Variants in NMNAT2 observed in about 807,000 individuals in gnomAD.
NMNAT2 encodes the protein nicotinamide nucleotide adenylyltransferase 2.
Under a neutral mutation model 41.6 loss-of-function variants are expected in NMNAT2, and 11 were observed. That is an observed-to-expected ratio of 0.26 (90% CI 0.17 to 0.44). The LOEUF is 0.44. Ranked by LOEUF, NMNAT2 falls within the 20% of genes least tolerant of loss-of-function variation. The pLI is 1.00. For synonymous variants in NMNAT2, 148 were observed against 151.2 expected (o/e 0.98, Z 0.16); for missense variants, 288 against 407.7 (o/e 0.71, Z 2.53).
chr1:183,310,534 A>C (rs910970594), intron 1 of NMNAT2, among the ~76,000 whole-genome samples: 1 of 152,150 alleles, frequency 6.6e-6, no homozygotes, highest in Admixed American at 6.5e-5. Context: ...ATTCCTAAAA[A>C]GGTTCTAGAT....
intron 1 of NMNAT2, among the ~76,000 whole-genome samples, chr1:183,337,832 A>C (rs1662708465): frequency 6.6e-6 from 1 of 152,178 alleles, no homozygotes; most frequent in Non-Finnish European, 1.5e-5. Context: ...AGATGATTCT[A>C]GATGTCACAA....
Position 183,252,513 on chromosome 1 carries a change from A to C in NMNAT2, c.*128T>G. The C allele has an allele frequency of 1.3e-6, 1 of 748,324 alleles. No homozygotes were observed. The highest frequency in any genetic ancestry group is 2.4e-6 in the Non-Finnish European group (1 of 411,032). 46.4% of individuals were successfully genotyped at this position (748,324 alleles called of 1,614,324 possible). ...TGGTTCTCTGCAGGTCCCCCACACT[A>C]TGGGGGGTTAAGTCAGCAAGTAGGG... On this transcript the variant is annotated 3_prime_UTR_variant, in exon 11 of 11. Transcript: ENST00000287713.
chr1:183,313,705 C>T (rs1018935232), intron 1 of NMNAT2, among the ~76,000 whole-genome samples: 1 of 152,196 alleles, frequency 6.6e-6, no homozygotes, highest in East Asian at 1.9e-4. Flanking sequence ...AGGCTGGTCT[C>T]GAACTCTTGG....
At chr1:183,389,545 G>A (rs1054899767) in intron 1 of NMNAT2, among the ~76,000 whole-genome samples, 5 of 151,462 alleles carry the variant, frequency 3.3e-5, no homozygotes, top group African/African-American at 1.2e-4. Flanking sequence ...GGACAAAACA[G>A]GCAAAAGCAC....
chr1:183,295,856 C>G (rs963855891), intron 1 of NMNAT2, among the ~76,000 whole-genome samples: 1 of 151,952 alleles, frequency 6.6e-6, no homozygotes, highest in Admixed American at 6.6e-5. Context: ...TCATTTCTTT[C>G]TTTTTCTTTG....
intron 1 of NMNAT2, among the ~76,000 whole-genome samples, chr1:183,301,902 C>T (rs1225132150): frequency 6.6e-6 from 1 of 152,150 alleles, no homozygotes; most frequent in Non-Finnish European, 1.5e-5. Context: ...CTCCATTTTT[C>T]CTTTTCAGCT....
At chr1:183,385,194 T>C (rs1648181277) in intron 1 of NMNAT2, among the ~76,000 whole-genome samples, 1 of 151,884 alleles carries the variant, frequency 6.6e-6, no homozygotes, top group South Asian at 2.1e-4. Flanking sequence ...AGAGTGAGAC[T>C]CTGTCTCTAA....
At chr1:183,292,030 C>T (rs952265687) in intron 3 of NMNAT2, among the ~76,000 whole-genome samples, 2 of 152,226 alleles carry the variant, frequency 1.3e-5, no homozygotes, top group African/African-American at 2.4e-5. Context: ...GGTCAGCATC[C>T]CGTCACTTCG....
chr1:183,356,014 C>T (rs183175759), intron 1 of NMNAT2, among the ~76,000 whole-genome samples: 21 of 152,320 alleles, frequency 1.4e-4, no homozygotes, highest in African/African-American at 3.4e-4. Context: ...TCTGTCACTC[C>T]GGAGGTGGGG....
rs1381139604 is a variant in NMNAT2, at chr1:183,260,994, A to G, written c.821+8T>C. 6.2e-7 allele frequency: 1 copy of G among 1,610,920 alleles called. No individual in the cohort carries two copies. Reference sequence around the variant, plus strand: ...ACTAAAGTCTCTCTGGCCATTTGTCAAACATACCTGCTCTTGGTTGAGCTG... The same window carrying G: ...ACTAAAGTCTCTCTGGCCATTTGTCGAACATACCTGCTCTTGGTTGAGCTG... On this transcript the variant is annotated splice_region_variant and intron_variant, in intron 10 of 10. Transcript: ENST00000287713.
chr1:183,376,936 T>G (rs943340667), intron 1 of NMNAT2, among the ~76,000 whole-genome samples: 8 of 152,100 alleles, frequency 5.3e-5, no homozygotes, highest in Non-Finnish European at 1.2e-4. Flanking sequence ...GTGGATTTTT[T>G]CTTCAGGAAC....
At chr1:183,336,543 A>G (rs1039404730) in intron 1 of NMNAT2, among the ~76,000 whole-genome samples, 2 of 152,228 alleles carry the variant, frequency 1.3e-5, no homozygotes, top group Non-Finnish European at 1.5e-5. Context: ...AAAACCTACA[A>G]TTAAAAAGAC....
chr1:183,380,945 G>A (rs1055479300), intron 1 of NMNAT2, among the ~76,000 whole-genome samples: 9 of 152,128 alleles, frequency 5.9e-5, no homozygotes, highest in African/African-American at 2.2e-4. Flanking sequence ...TGAGACTTGT[G>A]TTTTAGAAAG....
intron 1 of NMNAT2, among the ~76,000 whole-genome samples, chr1:183,354,464 T>A (rs577654886): frequency 1.4e-5 from 2 of 140,878 alleles, no homozygotes; most frequent in Non-Finnish European, 3.0e-5. Context: ...CAGGCTGGAG[T>A]GCAGTGGTGT....
At chr1:183,289,492 C>T (rs139860032) in intron 4 of NMNAT2, among the ~76,000 whole-genome samples, 204 of 152,346 alleles carry the variant, frequency 1.3e-3, no homozygotes, top group African/African-American at 3.0e-3. Flanking sequence ...CAGAAGCTCT[C>T]GCCTATCTGT....
chr1:183,299,372 T>C (rs1661787779), intron 1 of NMNAT2, among the ~76,000 whole-genome samples: 1 of 151,478 alleles, frequency 6.6e-6, no homozygotes, highest in African/African-American at 2.4e-5. Context: ...CGAGACTCTG[T>C]CTCAAAAAAA....
At chr1:183,351,648 A>G (rs1232164591) in intron 1 of NMNAT2, among the ~76,000 whole-genome samples, 1 of 152,136 alleles carries the variant, frequency 6.6e-6, no homozygotes, top group East Asian at 1.9e-4. Context: ...TGTTGAAAGG[A>G]CTGAACCTCT....
chr1:183,380,162 C>T (rs1338305023), intron 1 of NMNAT2, among the ~76,000 whole-genome samples: 1 of 152,186 alleles, frequency 6.6e-6, no homozygotes, highest in Non-Finnish European at 1.5e-5. Flanking sequence ...AGGAAAGTCT[C>T]TATTTTCTCT....
intron 1 of NMNAT2, among the ~76,000 whole-genome samples, chr1:183,300,435 C>T (rs894604117): frequency 3.4e-5 from 5 of 147,846 alleles, no homozygotes; most frequent in African/African-American, 1.2e-4. Flanking sequence ...AAAAAAGGCA[C>T]CATGGCACCA....
Sources: gnomAD v4.1 joint callset for allele counts (sites outside exome capture counted in the v4.1 genomes callset) on GRCh38, gnomAD v4.1.1 for gene constraint, MANE v1.5 for transcripts, NCBI Gene and HGNC (gene_info 2026-07-23, HGNC 2026-07-21) for gene names.